The following NKAIN3 variants were observed in gnomAD, a reference collection of about 807,000 sequenced individuals.
NKAIN3 encodes the protein sodium/potassium transporting ATPase interacting 3, also known as sodium/potassium-transporting ATPase subunit beta-1-interacting protein 3.
A neutral mutation model predicts 30.2 loss-of-function variants in NKAIN3; 25 were observed. The observed-to-expected ratio is 0.83, with a 90% confidence interval of 0.60 to 1.16. The LOEUF (loss-of-function observed/expected upper bound fraction) is 1.16, where lower values mean the gene tolerates loss of function less well. Ranked by LOEUF, NKAIN3 falls within the 50% of genes most tolerant of loss-of-function variation. The probability of loss-of-function intolerance (pLI) is 0.00; values close to 1 mark genes in which losing one functional copy is unlikely to be tolerated. For synonymous variants in NKAIN3, 91 were observed against 89.6 expected, an observed-to-expected ratio of 1.02 and a Z score of -0.09; for missense variants, 225 against 254.1, an observed-to-expected ratio of 0.89 and a Z score of 0.78.
At chr8:62,916,908 TG>T (rs1003868507) in intron 4 of NKAIN3, among the ~76,000 whole-genome samples, 4 of 152,116 alleles carry the variant, frequency 2.6e-5, no homozygotes, top group African/African-American at 9.7e-5. Flanking sequence ...CTTCTTCTTG[TG>T]GGGTGCTTTT....
At chr8:62,421,190 C>T (rs995538091) in intron 1 of NKAIN3, among the ~76,000 whole-genome samples, 2 of 152,130 alleles carry the variant, frequency 1.3e-5, no homozygotes, top group African/African-American at 4.8e-5. Flanking sequence ...TGGCCCTAAG[C>T]AGAAAGCATC....
intron 3 of NKAIN3, among the ~76,000 whole-genome samples, chr8:62,667,858 C>T (rs1334411752): frequency 6.6e-6 from 1 of 152,156 alleles, no homozygotes; most frequent in Non-Finnish European, 1.5e-5. Flanking sequence ...TTACAATCAT[C>T]CACCCACACT....
At chr8:62,579,432 G>A (rs1810222540) in intron 1 of NKAIN3, 107 bp from the exon 2 acceptor site, 2 of 767,428 alleles carry the variant, frequency 2.6e-6, no homozygotes, top group Non-Finnish European at 3.9e-6. Flanking sequence ...GTGACAAAAA[G>A]TGTGATTGAA....
In NKAIN3 at chr8:62,965,677, A is replaced by G; in HGVS notation, c.*270A>G. On this transcript the variant is annotated 3_prime_UTR_variant, in exon 7 of 7. Transcript: ENST00000623646. ...GGTTTTAAATTTTTAACAATATTTAATGTGAGGCATGCAAAATGAAAAAGC... is the reference window on the plus strand; with the variant it reads ...GGTTTTAAATTTTTAACAATATTTAGTGTGAGGCATGCAAAATGAAAAAGC... 1.0e-6 allele frequency: 1 copy of G among 980,760 alleles called. No individual in the cohort carries two copies. Among genetic ancestry groups the G allele is most frequent in the Non-Finnish European group, 1.2e-6 (1 of 825,790 alleles). The allele number at this position is 980,760 out of a possible 1,614,324, so 60.8% of individuals were successfully genotyped here. A position where few individuals can be genotyped will look rare whatever the true frequency, so the allele number is the denominator to read the frequency against.
chr8:62,849,007 G>A (rs959120213), intron 4 of NKAIN3, among the ~76,000 whole-genome samples: 2 of 152,138 alleles, frequency 1.3e-5, no homozygotes, highest in African/African-American at 4.8e-5. Flanking sequence ...TCTCAGAGAT[G>A]AAGCCAACTT....
At chr8:62,302,630 C>G (rs1224895650) in intron 1 of NKAIN3, among the ~76,000 whole-genome samples, 1 of 151,944 alleles carries the variant, frequency 6.6e-6, no homozygotes, top group African/African-American at 2.4e-5. Context: ...TCTTGTAGTG[C>G]CAGGACATAA....
intron 3 of NKAIN3, among the ~76,000 whole-genome samples, chr8:62,729,044 A>AAAAAAC (rs1815379718): frequency 3.2e-5 from 4 of 123,478 alleles, no homozygotes; most frequent in Admixed American, 8.1e-5. Flanking sequence ...AAAAAACAAA[A>AAAAAAC]AAAAAAAACC....
intron 1 of NKAIN3, among the ~76,000 whole-genome samples, chr8:62,407,936 G>T (rs909793819): frequency 3.9e-5 from 6 of 152,258 alleles, no homozygotes; most frequent in African/African-American, 1.4e-4. Context: ...TGAGACAAGA[G>T]GATCACTTGA....
chr8:62,889,819 C>T (rs1390592738), intron 4 of NKAIN3, among the ~76,000 whole-genome samples: 1 of 152,024 alleles, frequency 6.6e-6, no homozygotes, highest in East Asian at 1.9e-4. Flanking sequence ...GAGCAAAGGT[C>T]TGACATTGGG....
rs371294700 is a variant in NKAIN3 at position 62,962,291 on chromosome 8, CTTG to C, written c.604-3060_604-3058del. On this transcript the variant is annotated intron_variant, in intron 6 of 6. Coordinates refer to ENST00000623646, the MANE Select transcript of NKAIN3 (RefSeq NM_001304533.3). Reference sequence around the variant, plus strand: ...TTTAATTAATCAGTTTTATATTTACCTTGTTATTAGTGAAAATTATAAATATAT... The same window carrying C: ...TTTAATTAATCAGTTTTATATTTACCTTATTAGTGAAAATTATAAATATAT... Among the ~76,000 whole-genome samples, 205 of 152,148 alleles carry C rather than the reference CTTG, an allele frequency of 1.3e-3. 6 individuals carry two copies. The South Asian group carries it at 0.041, about 30-fold the overall frequency.
chr8:62,582,626 C>T (rs1810342550), intron 2 of NKAIN3, among the ~76,000 whole-genome samples: 1 of 152,074 alleles, frequency 6.6e-6, no homozygotes, highest in Non-Finnish European at 1.5e-5. Flanking sequence ...GGAGGCACCA[C>T]AAGGTCCATA....
intron 4 of NKAIN3, among the ~76,000 whole-genome samples, chr8:62,749,882 C>A (rs1369124266): frequency 6.6e-6 from 1 of 151,642 alleles, no homozygotes; most frequent in East Asian, 1.9e-4. Context: ...CGGATTTCAC[C>A]ATTTGGCCAG....
intron 1 of NKAIN3, among the ~76,000 whole-genome samples, chr8:62,453,964 G>A (rs1216751343): frequency 6.6e-6 from 1 of 151,986 alleles, no homozygotes; most frequent in Non-Finnish European, 1.5e-5. Flanking sequence ...GGAAGAACTG[G>A]TATCATTCCT....
chr8:62,359,539 A>C (rs1323700221), intron 1 of NKAIN3, among the ~76,000 whole-genome samples: 1 of 152,160 alleles, frequency 6.6e-6, no homozygotes, highest in Non-Finnish European at 1.5e-5. Context: ...GGTCCAAGGG[A>C]AGAGGACAGA....
chr8:62,601,698 C>G (rs1217890262), intron 3 of NKAIN3, among the ~76,000 whole-genome samples: 1 of 151,962 alleles, frequency 6.6e-6, no homozygotes, highest in Non-Finnish European at 1.5e-5. Flanking sequence ...CAATCTGCTT[C>G]CAGGTACTAA....
intron 4 of NKAIN3, among the ~76,000 whole-genome samples, chr8:62,838,846 A>G (rs1468662563): frequency 2.0e-5 from 3 of 152,194 alleles, no homozygotes; most frequent in Admixed American, 2.0e-4. Flanking sequence ...GGGGATCACC[A>G]GAAAAACTTG....
At chr8:62,824,491 A>AACAC (rs6150612) in intron 4 of NKAIN3, among the ~76,000 whole-genome samples, 525 of 148,700 alleles carry the variant, frequency 3.5e-3, no homozygotes, top group East Asian at 7.7e-3. Flanking sequence ...CCACCTCTTC[A>AACAC]ACACACACAC....
chr8:62,855,548 A>C, intron 4 of NKAIN3: 1 of 1,525,968 alleles, frequency 6.6e-7, no homozygotes, highest in Non-Finnish European at 9.1e-7. Flanking sequence ...AAACTCAACC[A>C]CCAGGGAGTC....
chr8:62,886,610 G>A (rs1821155557), intron 4 of NKAIN3, among the ~76,000 whole-genome samples: 1 of 151,910 alleles, frequency 6.6e-6, no homozygotes, highest in Non-Finnish European at 1.5e-5. Flanking sequence ...ATTTCACAGG[G>A]TGCAGAATTT....
Sources: gnomAD v4.1 joint callset for allele counts (sites outside exome capture counted in the v4.1 genomes callset) on GRCh38, gnomAD v4.1.1 for gene constraint, MANE v1.5 for transcripts, NCBI Gene and HGNC (gene_info 2026-07-23, HGNC 2026-07-21) for gene names.